The following PRUNE2 variants were observed in gnomAD, a reference collection of about 807,000 sequenced individuals.
PRUNE2 encodes prune homolog 2 with BCH domain.
A neutral mutation model predicts 252.0 loss-of-function variants in PRUNE2; 164 were observed. The observed-to-expected ratio is 0.65, with a 90% CI of 0.57 to 0.74. PRUNE2 has a LOEUF of 0.74. Among genes scored for constraint, PRUNE2 ranks in the 30% least tolerant of loss-of-function variants. The pLI, the probability that PRUNE2 is intolerant of heterozygous loss-of-function variation, is 0.00. For synonymous variants in PRUNE2, 1,292 were observed against 1,350.2 expected, an observed-to-expected ratio of 0.96 and a Z score of 0.94; for missense variants, 3,495 against 3,711.0, an observed-to-expected ratio of 0.94 and a Z score of 1.51.
At chr9:76,618,647 T>C (rs1830722558) in intron 18 of PRUNE2, among the ~76,000 whole-genome samples, 1 of 152,208 alleles carries the variant, frequency 6.6e-6, no homozygotes, top group Admixed American at 6.5e-5. Context: ...TAAAAACCAT[T>C]GGCCCTGGAG....
At chr9:76,729,952 G>A (rs2048422109) in intron 6 of PRUNE2, among the ~76,000 whole-genome samples, 2 of 152,114 alleles carry the variant, frequency 1.3e-5, no homozygotes, top group African/African-American at 4.8e-5. Flanking sequence ...TTTTATAGCT[G>A]TATTATCCTA....
intron 16 of PRUNE2, among the ~76,000 whole-genome samples, chr9:76,626,737 G>A (rs533899670): frequency 1.3e-5 from 2 of 152,296 alleles, no homozygotes; most frequent in East Asian, 1.9e-4. Flanking sequence ...TCTGGATTGC[G>A]AACTCTGTGC....
intron 6 of PRUNE2, among the ~76,000 whole-genome samples, chr9:76,806,317 T>C (rs2056928438): frequency 6.6e-6 from 1 of 152,180 alleles, no homozygotes; most frequent in Admixed American, 6.5e-5. Flanking sequence ...TAAAAGCAAG[T>C]AACAATTTGG....
chr9:76,711,017 G>A lies in PRUNE2; in HGVS notation c.1257C>T (p.Ala419=), dbSNP rs746815338. The A allele has an allele frequency of 1.7e-5, 27 of 1,613,752 alleles. No homozygotes were observed. The highest frequency in any genetic ancestry group is 5.0e-5 in the Admixed American group (3 of 59,992). ...LNDSNQAQVD[A]NVDLVSPDSG... ...TGTCTGGGCTAACAAGGTCTACATT[G>A]GCATCCACCTGAGCCTGGTTAGAAT... The change falls in exon 8 of 19, where the codon GCC becomes GCT. Residue 419 remains alanine, a synonymous_variant. Transcript: ENST00000376718.
At chr9:76,736,848 T>C (rs1337483577) in intron 6 of PRUNE2, 4 of 152,236 alleles carry the variant, frequency 2.6e-5, no homozygotes, top group Non-Finnish European at 4.4e-5. Context: ...AGTATTCCAG[T>C]ACCTGAACAT....
chr9:76,863,324 G>C (rs897779229), intron 1 of PRUNE2: 2 of 152,036 alleles, frequency 1.3e-5, no homozygotes, highest in African/African-American at 4.8e-5. Context: ...ATGTTGATCG[G>C]TAATGTTGTA....
At chr9:76,655,379 G>T in intron 10 of PRUNE2, 44 bp downstream of exon 10, 1 of 1,329,336 alleles carries the variant, frequency 7.5e-7, no homozygotes. Flanking sequence ...AAAACGTTGG[G>T]ATACAGAATA....
At chr9:76,647,948 G>A (rs547008296) in intron 11 of PRUNE2, among the ~76,000 whole-genome samples, 50 of 152,218 alleles carry the variant, frequency 3.3e-4, no homozygotes, top group Non-Finnish European at 6.0e-4. Context: ...GCGACAGCAC[G>A]AGACTGTGTC....
intron 1 of PRUNE2, among the ~76,000 whole-genome samples, chr9:76,880,707 C>CG (rs2061724059): frequency 1.3e-5 from 2 of 152,114 alleles, no homozygotes; most frequent in Admixed American, 6.5e-5. Context: ...GAAGACGAAG[C>CG]ATTATCTAGA....
chr9:76,647,662 A>G (rs1441997566), intron 11 of PRUNE2, among the ~76,000 whole-genome samples: 1 of 152,174 alleles, frequency 6.6e-6, no homozygotes, highest in Non-Finnish European at 1.5e-5. Flanking sequence ...TATACAAAGA[A>G]TGCTTAATAC....
chr9:76,768,623 G>GTGTGTGTGTA (rs1491356086), intron 6 of PRUNE2, among the ~76,000 whole-genome samples: 10 of 130,152 alleles, frequency 7.7e-5, no homozygotes, highest in African/African-American at 2.2e-4. Flanking sequence ...GTGTGTGTGT[G>GTGTGTGTGTA]TATATCCCTG....
chr9:76,896,224 A>C (rs538249125), intron 1 of PRUNE2, among the ~76,000 whole-genome samples: 1 of 152,316 alleles, frequency 6.6e-6, no homozygotes, highest in South Asian at 2.1e-4. Flanking sequence ...ACTGTGTCAA[A>C]GTGCACATTA....
chr9:76,718,984 C>T (rs1459941659), intron 6 of PRUNE2, among the ~76,000 whole-genome samples: 5 of 152,080 alleles, frequency 3.3e-5, no homozygotes, highest in Admixed American at 1.3e-4. Context: ...AGTCTAAACA[C>T]GTCTCTAATA....
chr9:76,720,522 C>T (rs35141311), intron 6 of PRUNE2, among the ~76,000 whole-genome samples: 32,874 of 151,708 alleles, frequency 0.22, 4,037 homozygotes, highest in East Asian at 0.58. Flanking sequence ...GTTGTGAGAA[C>T]TAAAAGCATA....
chr9:76,656,604 T>C (rs528100011), intron 9 of PRUNE2, among the ~76,000 whole-genome samples: 14 of 152,294 alleles, frequency 9.2e-5, no homozygotes, highest in South Asian at 8.3e-4. Flanking sequence ...GATTACTGCA[T>C]TTGCTTCATT....
intron 10 of PRUNE2, among the ~76,000 whole-genome samples, chr9:76,653,302 A>G (rs1848088289): frequency 6.6e-6 from 1 of 152,208 alleles, no homozygotes; most frequent in African/African-American, 2.4e-5. Flanking sequence ...GATTGATTCC[A>G]GGACCCCTGG....
chr9:76,903,522 A>C (rs531757214), intron 1 of PRUNE2, among the ~76,000 whole-genome samples: 4 of 152,262 alleles, frequency 2.6e-5, no homozygotes, highest in Non-Finnish European at 5.9e-5. Context: ...CAGCATGGTA[A>C]ATTTCTTCAC....
Position 76,859,847 on chromosome 9 carries a change from T to C in PRUNE2, c.37-5639A>G, listed in dbSNP as rs1420604961. 2.0e-5 allele frequency among the ~76,000 whole-genome samples: 3 copies of C among 152,118 alleles called. No homozygotes were observed. In the East Asian group the frequency reaches 5.8e-4, roughly 29 times the overall value. On this transcript the variant is annotated intron_variant, in intron 1 of 18. Coordinates refer to ENST00000376718, the MANE Select transcript of PRUNE2 (RefSeq NM_015225.3). ...TTTCCCAAGTAGCTGGGATTACAAG[T>C]GCCCGCCACCATGCCCAGCTAATTT... is the stretch of plus-strand genomic sequence containing the variant.
intron 6 of PRUNE2, among the ~76,000 whole-genome samples, chr9:76,723,638 G>A (rs1285531903): frequency 2.0e-5 from 3 of 152,094 alleles, no homozygotes; most frequent in South Asian, 4.1e-4. Context: ...TAAGCATGTC[G>A]TAAGTATGAA....
Sources: gnomAD v4.1 joint callset for allele counts (sites outside exome capture counted in the v4.1 genomes callset) on GRCh38, gnomAD v4.1.1 for gene constraint, MANE v1.5 for transcripts, NCBI Gene and HGNC (gene_info 2026-07-23, HGNC 2026-07-21) for gene names.